Variants in MYH14 observed in about 807,000 individuals in gnomAD.
MYH14 encodes myosin heavy chain 14.
A neutral mutation model predicts 255.5 loss-of-function variants in MYH14; 123 were observed. That is an observed-to-expected ratio of 0.48 (90% CI 0.42 to 0.56). The LOEUF (loss-of-function observed/expected upper bound fraction) is 0.56. MYH14 is among the 20% of genes least tolerant of loss of function. The pLI is 0.00. For missense variants in MYH14, 2,423 were observed against 2,802.3 expected, an observed-to-expected ratio of 0.86 and a Z score of 3.06; for synonymous variants, 1,095 against 1,161.2, an observed-to-expected ratio of 0.94 and a Z score of 1.16.
rs1224310163 is a variant in MYH14, at chr19:50,281,693, C to T, written c.4390C>T (p.Gln1464Ter). 1 of 1,611,928 alleles carries T rather than the reference C, an allele frequency of 6.2e-7. No homozygotes were observed. The highest frequency in any genetic ancestry group is 1.3e-5 in the African/African-American group (1 of 74,920). Reference sequence around the variant, plus strand: ...AGCCCGGGAGGCCGAGGCCCTGACCCAGCGCCTGGCAGAAAAGACAGAGAC... The same window carrying T: ...AGCCCGGGAGGCCGAGGCCCTGACCTAGCGCCTGGCAGAAAAGACAGAGAC... ...RAAREAEALTQRLAEKTETVD... is the reference protein window; with the variant it reads ...RAAREAEALT The change falls in exon 33 of 43, where the codon CAG becomes TAG. Residue 1464 changes from glutamine (Q) to a stop codon, truncating the protein, a stop_gained. Transcript: ENST00000642316. LOFTEE classifies it high-confidence loss of function.
intron 2 of MYH14, 46 bp downstream of exon 2, chr19:50,210,816 G>T: frequency 6.5e-6 from 10 of 1,527,226 alleles, no homozygotes; most frequent in Non-Finnish European, 5.3e-6. Flanking sequence ...AGTTGCTGCC[G>T]GTTGGGGAAC....
chr19:50,219,828 A>C (rs1264791494), intron 3 of MYH14, among the ~76,000 whole-genome samples: 1 of 152,210 alleles, frequency 6.6e-6, no homozygotes, highest in African/African-American at 2.4e-5. Context: ...TTTGCTATAT[A>C]TCATCTATTT....
chr19:50,225,437 C>T (rs1568474716), intron 6 of MYH14, 148 bp from the exon 7 acceptor site: 8 of 612,504 alleles, frequency 1.3e-5, no homozygotes, highest in South Asian at 5.9e-5. Context: ...GGGCAAGACC[C>T]GGATATGGGA....
intron 17 of MYH14, 113 bp from the exon 18 acceptor site, chr19:50,257,186 C>A: frequency 1.2e-6 from 1 of 814,534 alleles, no homozygotes; most frequent in Non-Finnish European, 1.9e-6. Flanking sequence ...GTGTGAGGTC[C>A]TTCATATGTA....
chr19:50,289,568 G>T lies in MYH14; in HGVS notation c.4885G>T (p.Ala1629Ser), dbSNP rs754931173. The T allele has an allele frequency of 2.4e-5, 38 of 1,612,940 alleles. No individual in the cohort carries two copies. The highest frequency in any genetic ancestry group is 3.1e-5 in the Non-Finnish European group (37 of 1,179,660). ...GCTGCGTCTGGAGGTGACTGTGCAG[G>T]CTCTCAAGACTCAGCATGAGCGTGA... is the stretch of plus-strand genomic sequence containing the variant. Reference protein sequence around the residue: ...AKLRLEVTVQALKTQHERDLQ... With the variant: ...AKLRLEVTVQSLKTQHERDLQ... Residue 1629 changes from alanine (A) to serine (S), a missense_variant, in exon 35 of 43, where the codon GCT (alanine) becomes TCT (serine). Physicochemically the swap from Ala to Ser is moderately conservative, Grantham distance 99. Around this residue, in one of 3 missense-constraint regions of MYH14, gnomAD observed 1,513 missense variants for 1,674.8 expected, o/e 0.90. Transcript: ENST00000642316.
intron 22 of MYH14, among the ~76,000 whole-genome samples, chr19:50,265,186 G>A (rs1425399551): frequency 6.6e-6 from 1 of 152,174 alleles, no homozygotes; most frequent in African/African-American, 2.4e-5. Context: ...GTCTGCAGCT[G>A]CATCTGAGCT....
At chr19:50,237,793 C>G (rs1376083346) in intron 10 of MYH14, among the ~76,000 whole-genome samples, 1 of 152,194 alleles carries the variant, frequency 6.6e-6, no homozygotes, top group Non-Finnish European at 1.5e-5. Flanking sequence ...TGAATGAGCT[C>G]TCATTACAGT....
chr19:50,292,287 G>A lies in MYH14; in HGVS notation c.5154G>A (p.Glu1718=), dbSNP rs765822251. The A allele has an allele frequency of 1.9e-6, 3 of 1,603,066 alleles. No homozygotes were observed. The highest frequency in any genetic ancestry group is 2.6e-6 in the Non-Finnish European group (3 of 1,175,490). ...MQAQMKELWR[E]VEETRTSREE... is the part of the protein sequence containing the mutation. The stretch of plus-strand genomic sequence containing the variant: ...CCCAGATGAAGGAGCTATGGCGGGA[G>A]GTGGAGGAGACACGCACCTCCCGGG... The change falls in exon 37 of 43, where the codon GAG becomes GAA. Residue 1718 remains glutamate (E), a synonymous_variant. Transcript: ENST00000642316.
chr19:50,293,737 A>T lies in MYH14; in HGVS notation c.5469+50A>T. 6.6e-7 allele frequency: 1 copy of T among 1,507,822 alleles called. No individual in the cohort carries two copies. The highest frequency in any genetic ancestry group is 8.9e-7 in the Non-Finnish European group (1 of 1,126,890). 93.4% of individuals were successfully genotyped at this position (1,507,822 alleles called of 1,614,324 possible). A position where few individuals can be genotyped will look rare whatever the true frequency, so the allele number is the denominator to read the frequency against. ...CAGCCTCAGTCCCCATTGACCTGGG[A>T]CCGTAACCTTCAGTCCTCTTATTCA... On this transcript the variant is annotated intron_variant, in intron 39 of 42. Coordinates refer to ENST00000642316, the MANE Select transcript of MYH14 (RefSeq NM_001145809.2). The surrounding 1 kb of genome is among the most constrained non-coding windows in gnomAD (Gnocchi z 4.1).
chr19:50,275,405 C>T (rs2035467582), intron 27 of MYH14, among the ~76,000 whole-genome samples: 1 of 152,226 alleles, frequency 6.6e-6, no homozygotes, highest in African/African-American at 2.4e-5. Context: ...ACCTCAGTTT[C>T]CTCATTTGGC....
intron 35 of MYH14, among the ~76,000 whole-genome samples, chr19:50,290,047 C>T (rs1296078375): frequency 6.6e-6 from 1 of 152,120 alleles, no homozygotes; most frequent in African/African-American, 2.4e-5. Context: ...TCTGCCACCC[C>T]ATCTATTCAA....
intron 15 of MYH14, among the ~76,000 whole-genome samples, chr19:50,251,899 C>CA (rs1216136895): frequency 5.9e-5 from 9 of 152,008 alleles, no homozygotes; most frequent in Non-Finnish European, 5.9e-5. Flanking sequence ...AAAGTATTTG[C>CA]AAAAAGAGGT....
In MYH14 at chr19:50,288,397, G is replaced by A. The variant is rs913150828; in HGVS notation, c.4753-1039G>A. ...CACAGACCTGGCCTGCAGCCCTAGG[G>A]ATAATTGAGCTAAAACCCAGCTCAT... On this transcript the variant is annotated intron_variant, in intron 34 of 42. Coordinates refer to ENST00000642316, the MANE Select transcript of MYH14 (RefSeq NM_001145809.2). 3.3e-5 allele frequency among the ~76,000 whole-genome samples: 5 copies of A among 152,272 alleles called. No homozygotes were observed. In the East Asian group the frequency reaches 9.6e-4, roughly 29 times the overall value.
rs758821769 is a variant in MYH14 at position 50,286,527 on chromosome 19, C to T, written c.4585C>T (p.Arg1529Cys). 9.9e-6 allele frequency: 16 copies of T among 1,613,496 alleles called. No individual in the cohort carries two copies. The highest frequency in any genetic ancestry group is 1.7e-5 in the Admixed American group (1 of 59,958). Residue 1529 changes from arginine to cysteine, a missense_variant, in exon 34 of 43, where the codon CGT becomes TGT. Coordinates refer to ENST00000642316, the MANE Select transcript of MYH14 (RefSeq NM_001145809.2). ...AGCTGTACTTCGGGCAGTGGAGGAA[C>T]GTGAGCGGGCCGAGGCAGAGGGCCG... ...KAAVLRAVEE[R>C]ERAEAEGRER... is the part of the protein sequence containing the mutation.
chr19:50,219,003 T>TATATATAAAAA (rs2032651132), intron 3 of MYH14, among the ~76,000 whole-genome samples: 1 of 101,000 alleles, frequency 9.9e-6, no homozygotes, highest in Non-Finnish European at 2.6e-5. Context: ...CCATGGTGTG[T>TATATATAAAAA]ATATATATAT....
intron 5 of MYH14, 102 bp from the exon 6 acceptor site, chr19:50,224,052 A>ACCCCCCCCTCCCCCC: frequency 2.8e-6 from 1 of 362,144 alleles, no homozygotes; most frequent in African/African-American, 8.5e-5. Context: ...CCCTTCCCCC[A>ACCCCCCCCTCCCCCC]CCCCCCATGC....
At chr19:50,253,088 T>C (rs550098707) in intron 16 of MYH14, among the ~76,000 whole-genome samples, 3 of 152,270 alleles carry the variant, frequency 2.0e-5, no homozygotes, top group African/African-American at 7.2e-5. Flanking sequence ...AGAAAAAGTA[T>C]GAATATCGAA....
chr19:50,224,733 C>T (rs986082422), intron 6 of MYH14: 81 of 452,814 alleles, frequency 1.8e-4, no homozygotes, highest in African/African-American at 1.5e-3. Context: ...GGGCTAGGAA[C>T]CCACTATTTT....
rs35658861 is a variant in MYH14 at position 50,260,838 on chromosome 19, C to T, written c.2424+123C>T. 0.75 allele frequency: 542,332 copies of T among 722,442 alleles called. 204,715 individuals carry two copies. Among genetic ancestry groups the T allele is most frequent in the East Asian group, 0.87 (31,628 of 36,480 alleles). The allele number at this position is 722,442 out of a possible 1,614,324, so 44.8% of individuals were successfully genotyped here. A position where few individuals can be genotyped will look rare whatever the true frequency, so the allele number is the denominator to read the frequency against. ...GTGTGTGCAAGTGTGTGTGCATGCA[C>T]GTGTGTGCGTGTGTGTGTGCATGCA... On this transcript the variant is annotated intron_variant, in intron 20 of 42. Transcript: ENST00000642316.
Sources: allele counts gnomAD v4.1 joint callset (sites outside exome capture counted in the v4.1 genomes callset), GRCh38; gene constraint gnomAD v4.1.1; regional missense constraint gnomAD v4.1.1; non-coding constraint Gnocchi (gnomAD v3.1); transcripts MANE v1.5; gene names NCBI Gene and HGNC (gene_info 2026-07-23, HGNC 2026-07-21).